The following MYO18B variants were observed in gnomAD, a reference collection of about 807,000 sequenced individuals.
MYO18B encodes myosin XVIIIB.
In MYO18B, 204 loss-of-function variants were observed where a neutral mutation model predicts 273.0. The ratio of observed to expected loss-of-function variants is 0.75; its 90% CI spans 0.67 to 0.84. MYO18B has a LOEUF of 0.84. Ranked by LOEUF, MYO18B falls within the 40% of genes least tolerant of loss-of-function variation. The pLI, the probability that MYO18B is intolerant of heterozygous loss-of-function variation, is 0.00. For synonymous variants in MYO18B, 1,330 were observed against 1,305.7 expected, an observed-to-expected ratio of 1.02 and a Z score of -0.40; for missense variants, 3,212 against 3,287.6, an observed-to-expected ratio of 0.98 and a Z score of 0.56.
At position 25,823,544 on chromosome 22, in the gene MYO18B, A is replaced by C; in HGVS notation, c.2561A>C (p.Tyr854Ser). The C allele has an allele frequency of 6.2e-7, 1 of 1,613,920 alleles. No homozygotes were observed. Among genetic ancestry groups the C allele is most frequent in the Admixed American group, 1.7e-5 (1 of 60,024 alleles). The change falls in exon 13 of 44, where the codon TAC becomes TCC. Residue 854 changes from tyrosine (Y) to serine (S), a missense_variant. Physicochemically the swap from Tyr to Ser is moderately radical, Grantham distance 144 (BLOSUM62 -2). Transcript: ENST00000335473. ...TTCATGAGGTTTGAGTGGGCAAACTACGCAGCTGAGGCCCTGGGCTGCGAG... is the reference window on the plus strand; with the variant it reads ...TTCATGAGGTTTGAGTGGGCAAACTCCGCAGCTGAGGCCCTGGGCTGCGAG... ...KQFMRFEWAN[Y>S]AAEALGCEYE... is the part of the protein sequence containing the mutation.
chr22:25,926,754 A>C (rs1164880524), intron 34 of MYO18B, among the ~76,000 whole-genome samples: 1 of 152,206 alleles, frequency 6.6e-6, no homozygotes, highest in Non-Finnish European at 1.5e-5. Context: ...TCTGCCCTTA[A>C]GGGGCTCCTA....
rs563046658 is a variant in MYO18B, at chr22:25,931,135, C to T, written c.5517+9726C>T. On this transcript the variant is annotated intron_variant, in intron 34 of 43. Coordinates refer to ENST00000335473, the MANE Select transcript of MYO18B (RefSeq NM_032608.7). ...TTCCTGCGATGTTTTATTTGAAGAGCCTTTTTTAAAACGATTATGTTGGAG... is the reference window on the plus strand; with the variant it reads ...TTCCTGCGATGTTTTATTTGAAGAGTCTTTTTTAAAACGATTATGTTGGAG... Among the ~76,000 whole-genome samples, 3 of 152,088 alleles carry T rather than the reference C, an allele frequency of 2.0e-5. No individual in the cohort carries two copies. The South Asian group carries it at 6.2e-4, about 32-fold the overall frequency.
chr22:25,851,651 G>T, intron 21 of MYO18B, 72 bp downstream of exon 21: 1 of 1,145,966 alleles, frequency 8.7e-7, no homozygotes, highest in Admixed American at 2.0e-5. Context: ...ATGTTCCAAG[G>T]CTGGGCACGG....
chr22:25,918,553 G>A (rs1349775185), intron 33 of MYO18B, among the ~76,000 whole-genome samples: 4 of 152,138 alleles, frequency 2.6e-5, no homozygotes, highest in Admixed American at 2.0e-4. Flanking sequence ...GTTATAAATG[G>A]GAGGATGACT....
intron 34 of MYO18B, among the ~76,000 whole-genome samples, chr22:25,942,668 A>C (rs1013161026): frequency 2.4e-4 from 36 of 152,086 alleles, no homozygotes; most frequent in Admixed American, 5.2e-4. Context: ...TAATGGTGGC[A>C]CCTTTCTCCT....
At chr22:25,858,894 C>T (rs954119364) in intron 21 of MYO18B, among the ~76,000 whole-genome samples, 1 of 152,200 alleles carries the variant, frequency 6.6e-6, no homozygotes, top group Non-Finnish European at 1.5e-5. Flanking sequence ...GATACAGATT[C>T]TGGAGTCAGG....
intron 43 of MYO18B, among the ~76,000 whole-genome samples, chr22:26,029,721 C>T (rs546827984): frequency 1.4e-4 from 22 of 152,252 alleles, no homozygotes; most frequent in African/African-American, 5.1e-4. Context: ...AAACAAGACC[C>T]CCCAAAGCTC....
In MYO18B at chr22:25,874,415, G is replaced by A. The variant is rs375953112; in HGVS notation, c.4080+1G>A. On this transcript the variant is annotated splice_donor_variant, in intron 23 of 43. Transcript: ENST00000335473. LOFTEE classifies it high-confidence loss of function. ...TCGCCAGGAATTCAAGAAGCTGAAGGTACTGCATGCCGTTCCCATGAGGAG... is the reference window on the plus strand; with the variant it reads ...TCGCCAGGAATTCAAGAAGCTGAAGATACTGCATGCCGTTCCCATGAGGAG... 6.2e-7 allele frequency: 1 copy of A among 1,612,884 alleles called. No individual in the cohort carries two copies. Among genetic ancestry groups the A allele is most frequent in the Admixed American group, 1.7e-5 (1 of 59,756 alleles).
At chr22:26,054,850 G>C in the MYO18B span, among the ~76,000 whole-genome samples, 1 of 152,160 alleles carries the variant, frequency 6.6e-6, no homozygotes, top group Non-Finnish European at 1.5e-5. Flanking sequence ...CTGTGCCTCT[G>C]AATCTCACTT....
At chr22:25,787,041 C>T (rs1396618894) in intron 11 of MYO18B, among the ~76,000 whole-genome samples, 1 of 152,052 alleles carries the variant, frequency 6.6e-6, no homozygotes, top group Non-Finnish European at 1.5e-5. Context: ...TGGTGAAACC[C>T]CATCTCTACT....
intron 33 of MYO18B, among the ~76,000 whole-genome samples, chr22:25,913,162 C>T (rs937732370): frequency 3.9e-5 from 6 of 152,144 alleles, no homozygotes; most frequent in Non-Finnish European, 5.9e-5. Flanking sequence ...TATTAAATAT[C>T]GCTCAGATTA....
intron 29 of MYO18B, chr22:25,899,626 C>T (rs1462604124): frequency 6.6e-6 from 1 of 152,126 alleles, no homozygotes; most frequent in Non-Finnish European, 1.5e-5. Flanking sequence ...GCTCTGCATC[C>T]CCAAAATAAG....
At chr22:26,025,131 C>T (rs369188264) in intron 42 of MYO18B, among the ~76,000 whole-genome samples, 76 of 152,254 alleles carry the variant, frequency 5.0e-4, no homozygotes, top group African/African-American at 1.7e-3. Flanking sequence ...TATTAATTTT[C>T]GGGGGAGACA....
intron 10 of MYO18B, among the ~76,000 whole-genome samples, chr22:25,783,207 C>G (rs971363725): frequency 6.6e-6 from 1 of 152,178 alleles, no homozygotes; most frequent in Non-Finnish European, 1.5e-5. Flanking sequence ...ACCAGGTCAT[C>G]CAAAGAAATG....
chr22:26,023,527 C>T (rs1166271157), intron 42 of MYO18B, among the ~76,000 whole-genome samples: 4 of 150,886 alleles, frequency 2.7e-5, no homozygotes, highest in Non-Finnish European at 5.9e-5. Context: ...TCCTCCTCTT[C>T]CTCCTCCTGG....
At chr22:26,029,308 A>G (rs570443535) in intron 43 of MYO18B, among the ~76,000 whole-genome samples, 11 of 152,120 alleles carry the variant, frequency 7.2e-5, no homozygotes, top group African/African-American at 2.7e-4. Flanking sequence ...CTTGACCCAA[A>G]TGAGGCACAC....
intron 39 of MYO18B, among the ~76,000 whole-genome samples, chr22:25,991,223 G>A (rs2093267265): frequency 6.6e-6 from 1 of 152,176 alleles, no homozygotes; most frequent in South Asian, 2.1e-4. Context: ...CTCGGGCATA[G>A]AGCTGTGTTC....
Position 25,883,445 on chromosome 22 carries a change from T to C in MYO18B, c.4314+5397T>C, listed in dbSNP as rs1315112873. 6.6e-6 allele frequency: 1 copy of C among 152,268 alleles called. No individual in the cohort carries two copies. The highest frequency in any genetic ancestry group is 2.4e-5 in the African/African-American group (1 of 41,474). 9.4% of individuals were successfully genotyped at this position (152,268 alleles called of 1,614,324 possible). A position where few individuals can be genotyped will look rare whatever the true frequency, so the allele number is the denominator to read the frequency against. On this transcript the variant is annotated intron_variant, in intron 25 of 43. Coordinates refer to ENST00000335473, the MANE Select transcript of MYO18B (RefSeq NM_032608.7). The surrounding 1 kb of genome is among the most constrained non-coding windows in gnomAD (Gnocchi z 7.6). ...TGCTAGACTCCAGCCTTAGAGATTC[T>C]GAATCAGTAGGCTTGGCGTGGCCTT...
chr22:25,939,055 T>G (rs1478651007), intron 34 of MYO18B, among the ~76,000 whole-genome samples: 2 of 152,214 alleles, frequency 1.3e-5, no homozygotes, highest in African/African-American at 4.8e-5. Context: ...CCTCAAGTGA[T>G]GCTCCCACCT....
Sources: allele counts gnomAD v4.1 joint callset (sites outside exome capture counted in the v4.1 genomes callset), GRCh38; gene constraint gnomAD v4.1.1; non-coding constraint Gnocchi (gnomAD v3.1); transcripts MANE v1.5; gene names NCBI Gene and HGNC (gene_info 2026-07-23, HGNC 2026-07-21).